Variants in RANBP3 observed in about 807,000 individuals in gnomAD.
RANBP3 encodes the protein ran-binding protein 3.
Under a neutral mutation model 77.3 loss-of-function variants are expected in RANBP3, and 14 were observed. The ratio of observed to expected loss-of-function variants is 0.18; its 90% CI spans 0.12 to 0.28. The LOEUF (loss-of-function observed/expected upper bound fraction) is 0.28, where lower values mean the gene tolerates loss of function less well. Ranked by LOEUF, RANBP3 falls within the 10% of genes least tolerant of loss-of-function variation. The pLI, the probability that RANBP3 is intolerant of heterozygous loss-of-function variation, is 1.00. For missense variants in RANBP3, 586 were observed against 752.3 expected (o/e 0.78, Z 2.59); for synonymous variants, 315 against 312.4 (o/e 1.01, Z -0.09).
At chr19:5,941,965 G>T in intron 3 of RANBP3, 130 bp from the exon 4 acceptor site, 1 of 1,002,162 alleles carries the variant, frequency 1.0e-6, no homozygotes, top group South Asian at 1.4e-5. Context: ...GCACCCGAAT[G>T]AGAGCCAGGA....
Position 5,932,466 on chromosome 19 carries a change from G to A in RANBP3, c.551C>T (p.Ala184Val), listed in dbSNP as rs1419471724. The A allele has an allele frequency of 5.6e-6, 9 of 1,613,698 alleles. No individual in the cohort carries two copies. The highest frequency in any genetic ancestry group is 2.7e-5 in the African/African-American group (2 of 74,938). ...CTGTTTCTTACCAGTCTGGGACAGC[G>A]CCTTTGGCTGCGGAGCTTGTAACAC... ...PAVLQAPQPK[A>V]LSQTVPSSGT... Residue 184 changes from alanine (A) to valine (V), a missense_variant, in exon 7 of 17, where the codon GCG becomes GTG. By Grantham distance (64) the Ala-to-Val change is moderately conservative. Around this residue, in one of 5 missense-constraint regions of RANBP3, gnomAD observed 232 missense variants for 271.7 expected, o/e 0.85. Coordinates refer to ENST00000340578, the MANE Select transcript of RANBP3 (RefSeq NM_007322.3).
chr19:5,935,647 A>G (rs1427142972), intron 5 of RANBP3: 1 of 451,578 alleles, frequency 2.2e-6, no homozygotes, highest in Non-Finnish European at 4.5e-6. Flanking sequence ...CGAGCTGCCA[A>G]GCGGAAGCAG....
At chr19:5,926,950 G>A (rs1185702283) in intron 9 of RANBP3, among the ~76,000 whole-genome samples, 2 of 152,100 alleles carry the variant, frequency 1.3e-5, no homozygotes, top group Non-Finnish European at 2.9e-5. Context: ...CCTCCCCGTC[G>A]ACACTACTGA....
intron 9 of RANBP3, among the ~76,000 whole-genome samples, chr19:5,927,112 T>C (rs539294840): frequency 6.6e-6 from 1 of 152,164 alleles, no homozygotes; most frequent in South Asian, 2.1e-4. Flanking sequence ...CCTCTCGAGC[T>C]TTGAAAGAAG....
rs148298205 is a variant in RANBP3, at chr19:5,938,800, C to T, written c.406+2821G>A. ...AAAAAGAGGTCTAGAAATTCACCAA[C>T]TTCACAGGCGTTACCTTTGGGATGG... On this transcript the variant is annotated intron_variant, in intron 5 of 16. Transcript: ENST00000340578. Among the ~76,000 whole-genome samples, 195 of 152,338 alleles carry T rather than the reference C, an allele frequency of 1.3e-3. 6 individuals carry two copies. In the East Asian group the frequency reaches 0.036, roughly 28 times the overall value.
At chr19:5,925,291 G>T in intron 10 of RANBP3, 1 of 480,212 alleles carries the variant, frequency 2.1e-6, no homozygotes, top group Non-Finnish European at 3.8e-6. Flanking sequence ...CCAGAATAAG[G>T]GGGCGCCTGA....
At chr19:5,933,277 T>C (rs902694855) in intron 6 of RANBP3, 137 bp downstream of exon 6, 4 of 674,516 alleles carry the variant, frequency 5.9e-6, no homozygotes, top group Admixed American at 6.1e-5. Flanking sequence ...TTAAAGGAAC[T>C]TTCCAGGGCT....
In RANBP3 at chr19:5,958,037, A is replaced by C. The variant is rs2058356220; in HGVS notation, c.23-64T>G. ...ATATGCATACAGTAAACAAAGCTAC[A>C]CTTGTTTGTAATATGTTAAACATAT... On this transcript the variant is annotated intron_variant, in intron 1 of 16. Transcript: ENST00000340578. The surrounding 1 kb of genome is among the most constrained non-coding windows in gnomAD (Gnocchi z 4.4). 2.9e-6 allele frequency: 4 copies of C among 1,391,784 alleles called. No homozygotes were observed. The highest frequency in any genetic ancestry group is 4.1e-6 in the Non-Finnish European group (4 of 980,822). The allele number at this position is 1,391,784 out of a possible 1,614,324, so 86.2% of individuals were successfully genotyped here.
rs778546241 is a variant in RANBP3 at position 5,951,526 on chromosome 19, T to C, written c.149A>G (p.His50Arg). 7 of 1,612,384 alleles carry C rather than the reference T, an allele frequency of 4.3e-6. No individual in the cohort carries two copies. Among genetic ancestry groups the C allele is most frequent in the Admixed American group, 1.7e-5 (1 of 59,872 alleles). Reference protein sequence around the residue: ...EPRGEAEAPHHGTGHPESAGE... With the variant: ...EPRGEAEAPHRGTGHPESAGE... ...AGCTGACTCGGGGTGACCCGTGCCA[T>C]GGTGGGGGGCCTCAGCCTCCCCCCG... The change falls in exon 3 of 17, where the codon CAT (histidine) becomes CGT (arginine). Residue 50 changes from histidine to arginine, a missense_variant. Coordinates refer to ENST00000340578, the MANE Select transcript of RANBP3 (RefSeq NM_007322.3).
intron 1 of RANBP3, among the ~76,000 whole-genome samples, chr19:5,975,246 C>T (rs1253037766): frequency 3.3e-5 from 5 of 152,176 alleles, no homozygotes; most frequent in African/African-American, 1.2e-4. Context: ...ATTTGATTTC[C>T]TGAGGACAGT....
At chr19:5,950,160 C>G (rs865964756) in intron 3 of RANBP3, among the ~76,000 whole-genome samples, 17 of 152,312 alleles carry the variant, frequency 1.1e-4, no homozygotes, top group African/African-American at 4.1e-4. Flanking sequence ...AAGAAGGACG[C>G]AGCCACCTCC....
Position 5,925,692 on chromosome 19 carries a change from G to A in RANBP3, c.859C>T (p.His287Tyr), listed in dbSNP as rs200383874. The part of the protein sequence containing the change: ...VDEADMENAG[H>Y]PSADTPTATN... ...GCGGTTGGCGTGTCTGCGCTGGGGTGTCCAGCATTCTCCATGTCGGCTTCG... is the reference window on the plus strand; with the variant it reads ...GCGGTTGGCGTGTCTGCGCTGGGGTATCCAGCATTCTCCATGTCGGCTTCG... The change falls in exon 10 of 17, where the codon CAC becomes TAC. Residue 287 changes from histidine (H) to tyrosine (Y), a missense_variant. Physicochemically the swap from His to Tyr is moderately conservative, Grantham distance 83. Coordinates refer to ENST00000340578, the MANE Select transcript of RANBP3 (RefSeq NM_007322.3). The A allele has an allele frequency of 3.0e-5, 49 of 1,613,882 alleles. No individual in the cohort carries two copies. In the Admixed American group the frequency reaches 7.7e-4, roughly 25 times the overall value.
rs1193873720 is a variant in RANBP3, at chr19:5,917,488, C to T, written c.*122G>A. The T allele has an allele frequency of 1.0e-5, 12 of 1,154,584 alleles. No individual in the cohort carries two copies. Among genetic ancestry groups the T allele is most frequent in the African/African-American group, 7.8e-5 (5 of 63,768 alleles). 71.5% of individuals were successfully genotyped at this position (1,154,584 alleles called of 1,614,324 possible). Reference sequence around the variant, plus strand: ...AGGACGTGCGGGTCCAGACTGTGGCCGGCCCAGTGGGGTGTGTGGTTCCCG... The same window carrying T: ...AGGACGTGCGGGTCCAGACTGTGGCTGGCCCAGTGGGGTGTGTGGTTCCCG... On this transcript the variant is annotated 3_prime_UTR_variant, in exon 17 of 17. Transcript: ENST00000340578.
At position 5,958,143 on chromosome 19, in the gene RANBP3, G is replaced by A. The variant is rs758033555; in HGVS notation, c.23-170C>T. 6.6e-5 allele frequency among the ~76,000 whole-genome samples: 10 copies of A among 152,216 alleles called. No homozygotes were observed. The highest frequency in any genetic ancestry group is 9.7e-5 in the African/African-American group (4 of 41,446). ...GACTCGGATGCCTGGAGGCACAGGTGTGCTGGGTTTGTGAAATGCACCCAG... is the reference window on the plus strand; with the variant it reads ...GACTCGGATGCCTGGAGGCACAGGTATGCTGGGTTTGTGAAATGCACCCAG... On this transcript the variant is annotated intron_variant, in intron 1 of 16. Coordinates refer to ENST00000340578, the MANE Select transcript of RANBP3 (RefSeq NM_007322.3). The surrounding 1 kb of genome is among the most constrained non-coding windows in gnomAD (Gnocchi z 4.4).
intron 5 of RANBP3, among the ~76,000 whole-genome samples, chr19:5,937,183 C>T (rs1283097244): frequency 6.6e-6 from 1 of 151,328 alleles, no homozygotes; most frequent in African/African-American, 2.4e-5. Context: ...GAGGTACACA[C>T]AGTCCCAGAG....
At chr19:5,942,998 G>C (rs1188742472) in intron 3 of RANBP3, among the ~76,000 whole-genome samples, 1 of 152,174 alleles carries the variant, frequency 6.6e-6, no homozygotes, top group Non-Finnish European at 1.5e-5. Flanking sequence ...CTGCACCCCA[G>C]CCTGAAGGAC....
chr19:5,961,930 C>A (rs1203368446), intron 1 of RANBP3, among the ~76,000 whole-genome samples: 1 of 151,760 alleles, frequency 6.6e-6, no homozygotes, highest in Non-Finnish European at 1.5e-5. Flanking sequence ...AGTCCCACTA[C>A]CAAGAGCGCG....
chr19:5,942,618 T>C (rs2058152276), intron 3 of RANBP3, among the ~76,000 whole-genome samples: 2 of 150,954 alleles, frequency 1.3e-5, no homozygotes, highest in South Asian at 4.2e-4. Context: ...CAAGAATCGC[T>C]TGAGCCCGGT....
chr19:5,968,766 C>T (rs191425012), intron 1 of RANBP3, among the ~76,000 whole-genome samples: 21 of 152,350 alleles, frequency 1.4e-4, no homozygotes, highest in Admixed American at 4.6e-4. Flanking sequence ...CCAAGCCTTG[C>T]TCTCACCAGC....
Sources: allele counts gnomAD v4.1 joint callset (sites outside exome capture counted in the v4.1 genomes callset), GRCh38; gene constraint gnomAD v4.1.1; regional missense constraint gnomAD v4.1.1; non-coding constraint Gnocchi (gnomAD v3.1); transcripts MANE v1.5; gene names NCBI Gene and HGNC (gene_info 2026-07-23, HGNC 2026-07-21).